NLGN1: variants seen among roughly 807,000 people sequenced by gnomAD.
NLGN1 encodes neuroligin 1, also known as neuroligin-1.
Under a neutral mutation model 65.5 loss-of-function variants are expected in NLGN1, and 12 were observed. That is an observed-to-expected ratio of 0.18 (90% CI 0.12 to 0.30). The LOEUF is 0.30. Among genes scored for constraint, NLGN1 ranks in the 10% least tolerant of loss-of-function variants. The pLI, the probability that NLGN1 is intolerant of heterozygous loss-of-function variation, is 1.00. For synonymous variants in NLGN1, 350 were observed against 359.5 expected, an observed-to-expected ratio of 0.97 and a Z score of 0.30; for missense variants, 750 against 1,007.1, an observed-to-expected ratio of 0.74 and a Z score of 3.46.
chr3:173,403,030 T>A (rs923952330), intron 1 of NLGN1, among the ~76,000 whole-genome samples: 3 of 152,060 alleles, frequency 2.0e-5, no homozygotes, highest in Non-Finnish European at 2.9e-5. Flanking sequence ...CCTTCTCAGA[T>A]CTCTTAAAAT....
chr3:174,241,490 A>G (rs1315378901), intron 4 of NLGN1, among the ~76,000 whole-genome samples: 1 of 151,488 alleles, frequency 6.6e-6, no homozygotes, highest in Non-Finnish European at 1.5e-5. Flanking sequence ...TTAGACCTGC[A>G]CTTATCCACC....
intron 2 of NLGN1, among the ~76,000 whole-genome samples, chr3:173,444,896 T>C (rs1049842110): frequency 3.3e-5 from 5 of 152,040 alleles, no homozygotes; most frequent in African/African-American, 1.2e-4. Flanking sequence ...CCCTTTAACA[T>C]TACAGAAAAT....
intron 3 of NLGN1, among the ~76,000 whole-genome samples, chr3:173,746,229 A>G (rs1276284764): frequency 6.6e-6 from 1 of 152,052 alleles, no homozygotes; most frequent in Admixed American, 6.6e-5. Flanking sequence ...GGAGTTCAAG[A>G]TCAGCCTGAG....
intron 2 of NLGN1, among the ~76,000 whole-genome samples, chr3:173,519,762 G>C (rs1577076979): frequency 6.6e-6 from 1 of 151,688 alleles, no homozygotes; most frequent in South Asian, 2.1e-4. Flanking sequence ...TCTCAGATGA[G>C]AGTTTGGACT....
At chr3:173,873,804 T>C (rs1731627410) in intron 4 of NLGN1, among the ~76,000 whole-genome samples, 1 of 152,174 alleles carries the variant, frequency 6.6e-6, no homozygotes. Context: ...TGGGCTGAAC[T>C]GTTTCCCAAA....
intron 4 of NLGN1, among the ~76,000 whole-genome samples, chr3:174,030,117 G>GTTAGCT (rs1729656877): frequency 7.0e-6 from 1 of 142,028 alleles, no homozygotes. Flanking sequence ...CACTCTTTAA[G>GTTAGCT]TTAGCTTTTT....
chr3:173,495,364 T>A (rs967083237), intron 2 of NLGN1, among the ~76,000 whole-genome samples: 1 of 151,668 alleles, frequency 6.6e-6, no homozygotes, highest in African/African-American at 2.4e-5. Context: ...AAATTACTCG[T>A]TTATTCTATC....
chr3:173,980,560 C>T (rs1449231071), intron 4 of NLGN1, among the ~76,000 whole-genome samples: 2 of 151,774 alleles, frequency 1.3e-5, no homozygotes, highest in Non-Finnish European at 2.9e-5. Flanking sequence ...ATAGTTCTTT[C>T]TTGTTGGATT....
At chr3:174,258,584 A>G (rs1746232359) in intron 4 of NLGN1, among the ~76,000 whole-genome samples, 1 of 152,192 alleles carries the variant, frequency 6.6e-6, no homozygotes, top group South Asian at 2.1e-4. Context: ...AAGCAACATC[A>G]TGTGCCTCCT....
intron 3 of NLGN1, among the ~76,000 whole-genome samples, chr3:173,655,556 A>G (rs1759870224): frequency 6.6e-6 from 1 of 151,938 alleles, no homozygotes. Flanking sequence ...CTGTGCCTGA[A>G]AGAATGATGT....
chr3:173,604,601 GGCACTGCCCAGAT>G lies in NLGN1; in HGVS notation c.8_20del (p.Leu3ArgfsTer10). 8 of 1,613,022 alleles carry G rather than the reference GGCACTGCCCAGAT, an allele frequency of 5.0e-6. No individual in the cohort carries two copies. The highest frequency in any genetic ancestry group is 6.8e-6 in the Non-Finnish European group (8 of 1,179,244). ...AACTAGACAACTAATGTGGGACCAT[GGCACTGCCCAGAT>G]GCACGTGGCCAAATTATGTTTGGAG... is the stretch of plus-strand genomic sequence containing the variant. On this transcript the variant is annotated frameshift_variant, in exon 3 of 7. Transcript: ENST00000457714. LOFTEE classifies it high-confidence loss of function.
At chr3:173,825,301 A>G (rs1395426350) in intron 4 of NLGN1, among the ~76,000 whole-genome samples, 1 of 152,080 alleles carries the variant, frequency 6.6e-6, no homozygotes, top group African/African-American at 2.4e-5. Context: ...GTAAATTTAA[A>G]GTTGGACCAT....
intron 4 of NLGN1, among the ~76,000 whole-genome samples, chr3:173,866,890 T>A (rs563605355): frequency 6.6e-6 from 1 of 152,282 alleles, no homozygotes; most frequent in East Asian, 1.9e-4. Context: ...AAGATAAAGA[T>A]GTTTCTAATG....
chr3:173,603,266 A>G (rs1409958331), intron 2 of NLGN1, among the ~76,000 whole-genome samples: 1 of 152,194 alleles, frequency 6.6e-6, no homozygotes, highest in Non-Finnish European at 1.5e-5. Flanking sequence ...GTTATTTGAC[A>G]GTTAACATCA....
At chr3:174,215,922 C>T (rs1315142973) in intron 4 of NLGN1, among the ~76,000 whole-genome samples, 1 of 152,058 alleles carries the variant, frequency 6.6e-6, no homozygotes, top group Non-Finnish European at 1.5e-5. Flanking sequence ...CCTCCTAAAC[C>T]TCCTCTCCCC....
At chr3:173,675,842 G>GTC (rs1191810452) in intron 3 of NLGN1, among the ~76,000 whole-genome samples, 1 of 124,622 alleles carries the variant, frequency 8.0e-6, no homozygotes, top group Non-Finnish European at 1.7e-5. Flanking sequence ...CTCTGTCTCT[G>GTC]TCTCTCTCTC....
At chr3:173,654,426 T>C (rs1346424758) in intron 3 of NLGN1, among the ~76,000 whole-genome samples, 11 of 152,146 alleles carry the variant, frequency 7.2e-5, no homozygotes, top group African/African-American at 2.7e-4. Context: ...AAATAAATTG[T>C]TACTCTTATC....
intron 2 of NLGN1, among the ~76,000 whole-genome samples, chr3:173,569,376 G>A (rs1338286478): frequency 6.6e-6 from 1 of 151,846 alleles, no homozygotes; most frequent in Non-Finnish European, 1.5e-5. Context: ...GCAGTCACAT[G>A]CATTTTGTTA....
intron 2 of NLGN1, among the ~76,000 whole-genome samples, chr3:173,482,925 C>T (rs966814810): frequency 6.6e-6 from 1 of 151,816 alleles, no homozygotes; most frequent in Non-Finnish European, 1.5e-5. Flanking sequence ...ACTTTGATAC[C>T]CTTTCTCATT....
Sources: gnomAD v4.1 joint callset for allele counts (sites outside exome capture counted in the v4.1 genomes callset) on GRCh38, gnomAD v4.1.1 for gene constraint, MANE v1.5 for transcripts, NCBI Gene and HGNC (gene_info 2026-07-23, HGNC 2026-07-21) for gene names.